Variants in ETS1 observed in about 807,000 individuals in gnomAD.
ETS1 encodes protein C-ets-1.
ETS1 carries 15 observed loss-of-function variants against 58.6 expected under a neutral mutation model. The ratio of observed to expected loss-of-function variants is 0.26; its 90% CI spans 0.17 to 0.39. The LOEUF (loss-of-function observed/expected upper bound fraction) is 0.39. Among genes scored for constraint, ETS1 ranks in the 10% least tolerant of loss-of-function variants. The pLI is 1.00. For synonymous variants in ETS1, 214 were observed against 218.2 expected (o/e 0.98, Z 0.17); for missense variants, 417 against 610.5 (o/e 0.68, Z 3.34).
At position 128,587,550 on chromosome 11, in the gene ETS1, T is replaced by C. The variant is rs990760454; in HGVS notation, c.-77A>G. The C allele has an allele frequency of 6.6e-6, 1 of 152,404 alleles. No individual in the cohort carries two copies. The highest frequency in any genetic ancestry group is 1.5e-5 in the Non-Finnish European group (1 of 68,054). The allele number at this position is 152,404 out of a possible 1,614,324, so 9.4% of individuals were successfully genotyped here. A position where few individuals can be genotyped will look rare whatever the true frequency, so the allele number is the denominator to read the frequency against. ...AGCTTCCCTCAAAGTCTGTGGTCTC[T>C]TTCCAACTACCTGCGGGAATCCTCT... On this transcript the variant is annotated 5_prime_UTR_variant, in exon 1 of 10. Coordinates refer to ENST00000392668, the MANE Select transcript of ETS1 (RefSeq NM_001143820.2).
rs1475451022 is a variant in ETS1 at position 128,585,154 on chromosome 11, AAGAAAGAAAGAAAG to A, written c.-15+2320_-15+2333del. 1.9e-3 allele frequency among the ~76,000 whole-genome samples: 98 copies of A among 51,908 alleles called. 16 individuals carry two copies. The highest frequency in any genetic ancestry group is 5.7e-3 in the African/African-American group (53 of 9,318). The allele number at this position is 51,908 out of a possible 152,430, so 34.1% of individuals were successfully genotyped here. On this transcript the variant is annotated intron_variant, in intron 1 of 9. Transcript: ENST00000392668. ...AAGAAAGAAAAGAAAGAAAGAAAGA[AAGAAAGAAAGAAAG>A]AGAAAGAAAGAAAGAAAGAAGGAAG...
chr11:128,547,306 G>C (rs1384437935), intron 3 of ETS1, among the ~76,000 whole-genome samples: 2 of 152,306 alleles, frequency 1.3e-5, no homozygotes, highest in South Asian at 4.1e-4. Context: ...GGGAGTCTCA[G>C]ACAACTTTGA....
At chr11:128,571,822 C>T (rs1864640760) in intron 2 of ETS1, 1 of 152,160 alleles carries the variant, frequency 6.6e-6, no homozygotes, top group South Asian at 2.1e-4. Flanking sequence ...GTGGATGGAT[C>T]ACCCGAGGTC....
chr11:128,503,918 C>A (rs1041296109), intron 3 of ETS1, among the ~76,000 whole-genome samples: 3 of 152,160 alleles, frequency 2.0e-5, no homozygotes, highest in African/African-American at 4.8e-5. Context: ...CCAAAAAATA[C>A]CAGCACGCCA....
intron 7 of ETS1, 44 bp downstream of exon 7, chr11:128,484,779 A>ACCT: frequency 1.3e-6 from 2 of 1,566,672 alleles, no homozygotes; most frequent in Non-Finnish European, 1.7e-6. Flanking sequence ...AAGTCAGGTA[A>ACCT]TTCTTGTAAA....
In ETS1 at chr11:128,459,366, T is replaced by A. The variant is rs1401840332; in HGVS notation, c.*2995A>T. 1 of 152,742 alleles carries A rather than the reference T, an allele frequency of 6.5e-6. No homozygotes were observed. Among genetic ancestry groups the A allele is most frequent in the Non-Finnish European group, 1.5e-5 (1 of 68,038 alleles). The allele number at this position is 152,742 out of a possible 1,614,324, so 9.5% of individuals were successfully genotyped here. A position where few individuals can be genotyped will look rare whatever the true frequency, so the allele number is the denominator to read the frequency against. ...TCACCATGAAGGTTAGGCAGGTTAA[T>A]GCTGTAAAACCCAGAGTGTTCATCT... On this transcript the variant is annotated 3_prime_UTR_variant, in exon 10 of 10. Coordinates refer to ENST00000392668, the MANE Select transcript of ETS1 (RefSeq NM_001143820.2).
chr11:128,572,743 A>G (rs926236816), intron 2 of ETS1, among the ~76,000 whole-genome samples: 5 of 152,236 alleles, frequency 3.3e-5, no homozygotes, highest in Admixed American at 3.3e-4. Flanking sequence ...AGGTACCTCA[A>G]TATGTAAAAA....
At chr11:128,585,136 A>AAAG (rs1555093100) in intron 1 of ETS1, among the ~76,000 whole-genome samples, 1 of 13,922 alleles carries the variant, frequency 7.2e-5, no homozygotes, top group African/African-American at 5.1e-4. Context: ...AGAAAGAAAG[A>AAAG]AAAGAAAGAA....
chr11:128,499,728 C>T (rs886614369), intron 3 of ETS1, among the ~76,000 whole-genome samples: 19 of 152,168 alleles, frequency 1.2e-4, no homozygotes, highest in African/African-American at 3.9e-4. Context: ...CAGCAGGCTC[C>T]ATTGCACGTC....
chr11:128,521,799 CG>C (rs1207260287), intron 3 of ETS1: 1 of 761,260 alleles, frequency 1.3e-6, no homozygotes, highest in East Asian at 2.9e-5. Flanking sequence ...CAGCATCCCC[CG>C]CTCCTGAAGA....
rs560249321 is a variant in ETS1, at chr11:128,546,077, T to C, written c.214+10214A>G. 9.2e-5 allele frequency among the ~76,000 whole-genome samples: 14 copies of C among 152,354 alleles called. No individual in the cohort carries two copies. In the East Asian group the frequency reaches 1.7e-3, roughly 19 times the overall value. On this transcript the variant is annotated intron_variant, in intron 3 of 9. Transcript: ENST00000392668. ...TGAACATTCACCAGGACGCAAGCTC[T>C]AAGCCCTGCTCAGCTAAGAATATCC...
chr11:128,522,983 C>A (rs1465556309), intron 3 of ETS1, among the ~76,000 whole-genome samples: 1 of 151,212 alleles, frequency 6.6e-6, no homozygotes, highest in Non-Finnish European at 1.5e-5. Flanking sequence ...GAACGGGACC[C>A]CAAACTAGAA....
At chr11:128,576,283 C>T (rs1426520780) in intron 1 of ETS1, among the ~76,000 whole-genome samples, 2 of 152,198 alleles carry the variant, frequency 1.3e-5, no homozygotes, top group Admixed American at 1.3e-4. Context: ...TGACACAGAA[C>T]AGCTGCTAGA....
chr11:128,569,318 C>CTTTTTTTTTTTTTTTT (rs398018017), intron 2 of ETS1, among the ~76,000 whole-genome samples: 3,186 of 39,418 alleles, frequency 0.081, 1,090 homozygotes, highest in East Asian at 0.16. Context: ...AGAGTTTCTT[C>CTTTTTTTTTTTTTTTT]TTTTTTTTTT....
At chr11:128,558,186 G>C (rs1008961491) in intron 2 of ETS1, among the ~76,000 whole-genome samples, 2 of 152,224 alleles carry the variant, frequency 1.3e-5, no homozygotes, top group South Asian at 4.1e-4. Flanking sequence ...CAGTGGAAAT[G>C]TCACCAGTTG....
chr11:128,501,808 A>G (rs574304739), intron 3 of ETS1, among the ~76,000 whole-genome samples: 1 of 152,332 alleles, frequency 6.6e-6, no homozygotes, highest in East Asian at 1.9e-4. Context: ...TATATCATGG[A>G]AAGACTCAGA....
rs1864776829 is a variant in ETS1, at chr11:128,577,611, T to C, written c.-14-4467A>G. ...CACTTTTTCAGTGTAAACCCCTCTTTTTACAAATGAGGAGAAAGACTAAGG... is the reference window on the plus strand; with the variant it reads ...CACTTTTTCAGTGTAAACCCCTCTTCTTACAAATGAGGAGAAAGACTAAGG... On this transcript the variant is annotated intron_variant, in intron 1 of 9. Transcript: ENST00000392668. 3.3e-5 allele frequency among the ~76,000 whole-genome samples: 5 copies of C among 152,178 alleles called. No homozygotes were observed. In the South Asian group the frequency reaches 8.3e-4, roughly 25 times the overall value.
chr11:128,567,927 G>A (rs1234679400), intron 2 of ETS1, among the ~76,000 whole-genome samples: 2 of 152,100 alleles, frequency 1.3e-5, no homozygotes, highest in African/African-American at 4.8e-5. Flanking sequence ...AACCACCGCG[G>A]CCAGCCAAGA....
chr11:128,487,884 T>C (rs1024628345), intron 5 of ETS1, among the ~76,000 whole-genome samples: 1 of 151,938 alleles, frequency 6.6e-6, no homozygotes, highest in Admixed American at 6.6e-5. Context: ...CCTTACTATC[T>C]CACAGTTATT....
Sources: gnomAD v4.1 joint callset for allele counts (sites outside exome capture counted in the v4.1 genomes callset) on GRCh38, gnomAD v4.1.1 for gene constraint, MANE v1.5 for transcripts, NCBI Gene and HGNC (gene_info 2026-07-23, HGNC 2026-07-21) for gene names.